Variants in FRMPD2 observed in about 807,000 individuals in gnomAD.
FRMPD2 encodes FERM and PDZ domain-containing protein 2.
In FRMPD2, 96 loss-of-function variants were observed where a neutral mutation model predicts 140.1. The observed-to-expected ratio is 0.69, with a 90% CI of 0.58 to 0.81. FRMPD2 has a LOEUF of 0.81. Ranked by LOEUF, FRMPD2 falls within the 40% of genes least tolerant of loss-of-function variation. FRMPD2 has a pLI of 0.00. For synonymous variants in FRMPD2, 449 were observed against 547.6 expected, an observed-to-expected ratio of 0.82 and a Z score of 2.52; for missense variants, 1,240 against 1,447.4, an observed-to-expected ratio of 0.86 and a Z score of 2.32.
intron 25 of FRMPD2, among the ~76,000 whole-genome samples, chr10:48,172,724 G>A (rs1182658638): frequency 5.3e-5 from 8 of 152,096 alleles, no homozygotes; most frequent in Non-Finnish European, 8.8e-5. Flanking sequence ...GGGGCAGAAA[G>A]ATGCCTAGAA....
At chr10:48,194,996 A>G (rs61613235) in intron 15 of FRMPD2, among the ~76,000 whole-genome samples, 2,157 of 152,340 alleles carry the variant, frequency 0.014, 47 homozygotes, top group African/African-American at 0.047. Context: ...TGGGTGACTC[A>G]TAGCATAATT....
chr10:48,231,715 G>T (rs1370368473), intron 10 of FRMPD2, among the ~76,000 whole-genome samples: 1 of 152,216 alleles, frequency 6.6e-6, no homozygotes, highest in Non-Finnish European at 1.5e-5. Context: ...AGAGAGGGAA[G>T]AGGGTATAGA....
intron 12 of FRMPD2, among the ~76,000 whole-genome samples, chr10:48,213,990 A>T (rs1839388536): frequency 6.6e-6 from 1 of 152,122 alleles, no homozygotes; most frequent in Non-Finnish European, 1.5e-5. Context: ...CAAGAATTAA[A>T]TTTTTCCATA....
chr10:48,210,657 C>G (rs1323709643), intron 13 of FRMPD2, among the ~76,000 whole-genome samples: 1 of 152,238 alleles, frequency 6.6e-6, no homozygotes, highest in African/African-American at 2.4e-5. Flanking sequence ...TGACAGGGAA[C>G]ACGTGTGCAG....
At chr10:48,188,348 G>T (rs1021076275) in intron 16 of FRMPD2, among the ~76,000 whole-genome samples, 4 of 152,214 alleles carry the variant, frequency 2.6e-5, no homozygotes, top group East Asian at 1.9e-4. Flanking sequence ...GGGGCGGTGG[G>T]GGGAGGAGAA....
At chr10:48,158,019 C>T (rs1459836314) in intron 28 of FRMPD2, among the ~76,000 whole-genome samples, 2 of 140,696 alleles carry the variant, frequency 1.4e-5, no homozygotes, top group African/African-American at 5.5e-5. Flanking sequence ...ACTGCAGCTG[C>T]CTCAGTGTCC....
intron 14 of FRMPD2, among the ~76,000 whole-genome samples, chr10:48,204,070 A>G (rs1839148232): frequency 6.6e-6 from 1 of 152,198 alleles, no homozygotes; most frequent in African/African-American, 2.4e-5. Flanking sequence ...CTCAGCAGAA[A>G]GGTGCAGGGC....
At chr10:48,185,527 G>A (rs1838660607) in intron 18 of FRMPD2, 26 bp downstream of exon 18, 1 of 1,551,406 alleles carries the variant, frequency 6.4e-7, no homozygotes, top group Admixed American at 1.7e-5. Context: ...TAGAGACTGG[G>A]CCTCACCTAC....
intron 15 of FRMPD2, among the ~76,000 whole-genome samples, chr10:48,194,213 A>G (rs1027177402): frequency 5.9e-5 from 9 of 152,188 alleles, no homozygotes; most frequent in African/African-American, 1.9e-4. Context: ...TATGGGGTAG[A>G]TATTATTATA....
chr10:48,230,219 T>G (rs182143550), intron 10 of FRMPD2, among the ~76,000 whole-genome samples: 1 of 152,342 alleles, frequency 6.6e-6, no homozygotes, highest in Admixed American at 6.5e-5. Context: ...CTTTTTCTCC[T>G]TTCCTGATCC....
At position 48,192,854 on chromosome 10, in the gene FRMPD2, T is replaced by A. The variant is rs756353290; in HGVS notation, c.1995A>T (p.Ala665=). 6.2e-7 allele frequency: 1 copy of A among 1,614,020 alleles called. No individual in the cohort carries two copies. The highest frequency in any genetic ancestry group is 8.5e-7 in the Non-Finnish European group (1 of 1,180,034). Residue 665 remains alanine (A), a synonymous_variant, in exon 16 of 29, where the codon GCA becomes GCT. Coordinates refer to ENST00000374201, the MANE Select transcript of FRMPD2 (RefSeq NM_001018071.4). ...TGAGAGGCTTAGACCGGGCCTGGTGTGCAGGACTCAAATTGGCCATTTGCA... is the reference window on the plus strand; with the variant it reads ...TGAGAGGCTTAGACCGGGCCTGGTGAGCAGGACTCAAATTGGCCATTTGCA... The part of the protein sequence containing the change: ...KFVQMANLSP[A]HQARSKPLIW...
intron 1 of FRMPD2, among the ~76,000 whole-genome samples, chr10:48,252,018 G>A (rs1187974166): frequency 6.6e-6 from 1 of 152,216 alleles, no homozygotes; most frequent in Non-Finnish European, 1.5e-5. Context: ...AGCTGGGTGC[G>A]AGCTGTTGCA....
intron 15 of FRMPD2, among the ~76,000 whole-genome samples, chr10:48,193,398 A>G (rs1027210184): frequency 7.9e-5 from 12 of 152,354 alleles, no homozygotes; most frequent in Non-Finnish European, 1.5e-4. Flanking sequence ...CATATTTAAT[A>G]CAAGGTCCTA....
rs925980298 is a variant in FRMPD2 at position 48,244,135 on chromosome 10, C to G, written c.375+649G>C. 2.6e-5 allele frequency among the ~76,000 whole-genome samples: 4 copies of G among 152,178 alleles called. No homozygotes were observed. The East Asian group carries it at 7.7e-4, about 29-fold the overall frequency. On this transcript the variant is annotated intron_variant, in intron 4 of 28. Transcript: ENST00000374201. ...AAGTAGCTGGGACTATAGGCATACA[C>G]CACCACACCCAGCTAATTTTTTTAT...
chr10:48,273,857 G>A lies in FRMPD2; in HGVS notation c.25+686C>T, dbSNP rs74576122. On this transcript the variant is annotated intron_variant, in intron 1 of 28. Transcript: ENST00000374201. ...GGATTTAGCCAGGAGAAATAGACAC[G>A]ACTCATCTCTGAACTCAATTGTTGC... 8.4e-3 allele frequency among the ~76,000 whole-genome samples: 1,267 copies of A among 151,404 alleles called. 20 individuals carry two copies. The highest frequency in any genetic ancestry group is 0.029 in the African/African-American group (1,209 of 41,186).
rs768969805 is a variant in FRMPD2 at position 48,238,111 on chromosome 10, T to C, written c.801A>G (p.Gly267=). 23 of 1,611,358 alleles carry C rather than the reference T, an allele frequency of 1.4e-5. No individual in the cohort carries two copies. The highest frequency in any genetic ancestry group is 5.0e-5 in the Admixed American group (3 of 60,002). The change falls in exon 8 of 29, where the codon GGA becomes GGG. Residue 267 remains glycine (G), a synonymous_variant. Transcript: ENST00000374201. ...CSLLVNRALP[G]ADPQDQQAGR... is the part of the protein sequence containing the mutation. ...CCGCCTGCTGGTCCTGGGGATCTGC[T>C]CCTGGAAGAGCGCTGGCCAGGGGTT...
chr10:48,223,263 C>G lies in FRMPD2; in HGVS notation c.1176G>C (p.Glu392Asp). 1 of 1,612,030 alleles carries G rather than the reference C, an allele frequency of 6.2e-7. No homozygotes were observed. The highest frequency in any genetic ancestry group is 8.5e-7 in the Non-Finnish European group (1 of 1,178,874). Reference protein sequence around the residue: ...YFGLAYMKSKEFFFLDSETRL... With the variant: ...YFGLAYMKSKDFFFLDSETRL... ...TGGTTTCACTGTCCAGGAAAAAGAA[C>G]TCTTTGCCTGAAATGGAAATAGAGC... Residue 392 changes from glutamate to aspartate, a missense_variant, in exon 11 of 29, where the codon GAG (glutamate) becomes GAC (aspartate). Glu to Asp is a conservative substitution (Grantham distance 45). Around this residue, in one of 6 missense-constraint regions of FRMPD2, gnomAD observed 1,161 missense variants for 1,055.9 expected, o/e 1.10. Coordinates refer to ENST00000374201, the MANE Select transcript of FRMPD2 (RefSeq NM_001018071.4).
At chr10:48,232,352 T>C in intron 9 of FRMPD2, 63 bp from the exon 10 acceptor site, 1 of 1,247,254 alleles carries the variant, frequency 8.0e-7, no homozygotes, top group South Asian at 1.5e-5. Flanking sequence ...TAGTGTGTGC[T>C]GGTTACTGTA....
intron 4 of FRMPD2, 114 bp from the exon 5 acceptor site, chr10:48,242,466 A>G: frequency 1.2e-6 from 1 of 839,514 alleles, no homozygotes; most frequent in Non-Finnish European, 1.9e-6. Context: ...CACAAGCACC[A>G]GAGCAGATGC....
Sources: allele counts gnomAD v4.1 joint callset (sites outside exome capture counted in the v4.1 genomes callset), GRCh38; gene constraint gnomAD v4.1.1; regional missense constraint gnomAD v4.1.1; transcripts MANE v1.5; gene names NCBI Gene and HGNC (gene_info 2026-07-23, HGNC 2026-07-21).